GFM1: variants seen among roughly 807,000 people sequenced by gnomAD.
GFM1 encodes the protein G elongation factor mitochondrial 1.
A neutral mutation model predicts 96.2 loss-of-function variants in GFM1; 62 were observed. The observed-to-expected ratio is 0.64, with a 90% CI of 0.53 to 0.80. GFM1 has a LOEUF of 0.80. Among genes scored for constraint, GFM1 ranks in the 30% least tolerant of loss-of-function variants. The pLI is 0.00. For missense variants in GFM1, 852 were observed against 916.6 expected (o/e 0.93, Z 0.91); for synonymous variants, 282 against 312.9 (o/e 0.90, Z 1.04).
chr3:158,694,903 G>C lies in GFM1; in HGVS notation c.*3436G>C, dbSNP rs1398615499. Among the ~76,000 whole-genome samples the C allele has an allele frequency of 1.3e-5, 2 of 152,190 alleles. No individual in the cohort carries two copies. Among genetic ancestry groups the C allele is most frequent in the East Asian group, 3.8e-4 (2 of 5,202 alleles). ...TTCTAAAGGTATTAGGAAAATGAATGTCAAGCTGTATGTAATTGTAATTAG... is the reference window on the plus strand; with the variant it reads ...TTCTAAAGGTATTAGGAAAATGAATCTCAAGCTGTATGTAATTGTAATTAG... On this transcript the variant is annotated 3_prime_UTR_variant, in exon 18 of 18. Transcript: ENST00000486715.
chr3:158,684,552 C>T lies in GFM1; in HGVS notation c.1793C>T (p.Pro598Leu), dbSNP rs1198525925. The part of the protein sequence containing the change: ...KGFLDACEKG[P>L]LSGHKLSGLR... The stretch of plus-strand genomic sequence containing the variant: ...TTTTTAGATGCCTGCGAGAAGGGCC[C>T]TCTTTCTGGTCACAAGCTCTCTGGG... Residue 598 changes from proline (P) to leucine (L), a missense_variant, in exon 15 of 18, where the codon CCT becomes CTT. Coordinates refer to ENST00000486715, the MANE Select transcript of GFM1 (RefSeq NM_024996.7). The T allele has an allele frequency of 1.2e-6, 2 of 1,614,086 alleles. No individual in the cohort carries two copies. Among genetic ancestry groups the T allele is most frequent in the South Asian group, 2.2e-5 (2 of 91,076 alleles).
Position 158,691,359 on chromosome 3 carries a change from G to GTA in GFM1, c.2151_2152dup (p.Ser718IlefsTer47). 1 of 1,613,662 alleles carries GTA rather than the reference G, an allele frequency of 6.2e-7. No homozygotes were observed. The highest frequency in any genetic ancestry group is 1.3e-5 in the African/African-American group (1 of 74,962). The stretch of plus-strand genomic sequence containing the variant: ...AGGGAAAGGGAGAATACACAATGGA[G>GTA]TATAGCAGGTATCAGCCATGTTTAC... On this transcript the variant is annotated frameshift_variant, in exon 18 of 18. Coordinates refer to ENST00000486715, the MANE Select transcript of GFM1 (RefSeq NM_024996.7). LOFTEE classifies it high-confidence loss of function.
intron 16 of GFM1, chr3:158,690,534 T>G: frequency 1.8e-6 from 1 of 565,194 alleles, no homozygotes; most frequent in Admixed American, 3.1e-5. Flanking sequence ...AATGTGTCAT[T>G]TTCTTAGATG....
Position 158,644,618 on chromosome 3 carries a change from C to G in GFM1, c.-17C>G, listed in dbSNP as rs377591693. 1 of 1,560,836 alleles carries G rather than the reference C, an allele frequency of 6.4e-7. No homozygotes were observed. Among genetic ancestry groups the G allele is most frequent in the Admixed American group, 1.9e-5 (1 of 51,598 alleles). On this transcript the variant is annotated 5_prime_UTR_variant, in exon 1 of 18. Transcript: ENST00000486715. ...CACCCGGCGCCACGGGACTTTGACG[C>G]GTGCTCTGCGCTTGCCATGAGACTC... is the stretch of plus-strand genomic sequence containing the variant.
At chr3:158,690,920 T>C (rs1726261836) in intron 16 of GFM1, among the ~76,000 whole-genome samples, 1 of 152,216 alleles carries the variant, frequency 6.6e-6, no homozygotes, top group African/African-American at 2.4e-5. Context: ...AGTGGAAAGA[T>C]TTGGTTTCTG....
chr3:158,677,523 T>G (rs1251630211), intron 13 of GFM1, among the ~76,000 whole-genome samples: 1 of 152,148 alleles, frequency 6.6e-6, no homozygotes, highest in Non-Finnish European at 1.5e-5. Flanking sequence ...TTTTTTGAAA[T>G]GGAGTTTCAC....
rs1327343056 is a variant in GFM1 at position 158,658,938 on chromosome 3, A to G, written c.1100A>G (p.Gln367Arg). The G allele has an allele frequency of 1.2e-6, 2 of 1,614,060 alleles. No individual in the cohort carries two copies. The highest frequency in any genetic ancestry group is 2.7e-5 in the African/African-American group (2 of 74,924). The change falls in exon 9 of 18, where the codon CAA (glutamine) becomes CGA (arginine). Residue 367 changes from glutamine to arginine, a missense_variant. Coordinates refer to ENST00000486715, the MANE Select transcript of GFM1 (RefSeq NM_024996.7). ...GACTTCTAGGTAGGTCGATTTGGAC[A>G]ATTAACTTATGTTCGCAGTTATCAG... ...AFKLEVGRFG[Q>R]LTYVRSYQGE...
At chr3:158,659,765 G>T (rs4680452) in intron 9 of GFM1, among the ~76,000 whole-genome samples, 87,940 of 152,028 alleles carry the variant, frequency 0.58, 26,261 homozygotes, top group African/African-American at 0.73. Flanking sequence ...TTTATCAGTT[G>T]AAGCAAAATC....
intron 13 of GFM1, chr3:158,670,850 C>T (rs1724217908): frequency 1.6e-6 from 2 of 1,285,146 alleles, no homozygotes; most frequent in African/African-American, 1.6e-5. Context: ...GGGAAGATGG[C>T]CTGAGCCCGG....
intron 8 of GFM1, among the ~76,000 whole-genome samples, chr3:158,657,940 G>C (rs1426479577): frequency 6.6e-6 from 1 of 151,520 alleles, no homozygotes; most frequent in African/African-American, 2.4e-5. Flanking sequence ...TATCTGTCAG[G>C]GTTAGTTTTA....
At position 158,695,299 on chromosome 3, in the gene GFM1, G is replaced by A. The variant is rs536082736; in HGVS notation, c.*3832G>A. The A allele has an allele frequency of 3.5e-4, 53 of 152,148 alleles. No individual in the cohort carries two copies. Among genetic ancestry groups the A allele is most frequent in the Non-Finnish European group, 6.0e-4 (41 of 68,120 alleles). 9.4% of individuals were successfully genotyped at this position (152,148 alleles called of 1,614,324 possible). On this transcript the variant is annotated 3_prime_UTR_variant, in exon 18 of 18. Coordinates refer to ENST00000486715, the MANE Select transcript of GFM1 (RefSeq NM_024996.7). Reference sequence around the variant, plus strand: ...TGAGGCAGGAGGGTCGCTTGAACCCGGAAGGCGGAGGCTATAGTGAGCTGA... The same window carrying A: ...TGAGGCAGGAGGGTCGCTTGAACCCAGAAGGCGGAGGCTATAGTGAGCTGA...
Position 158,660,855 on chromosome 3 carries a change from G to C in GFM1, c.1222-19G>C. ...TTGTATTACTTGCAAATATAATTTT[G>C]TGTTATTTGTTTTTTTAGGATGTTG... On this transcript the variant is annotated intron_variant, in intron 9 of 17. Coordinates refer to ENST00000486715, the MANE Select transcript of GFM1 (RefSeq NM_024996.7). The C allele has an allele frequency of 1.9e-6, 3 of 1,591,832 alleles. No individual in the cohort carries two copies. Among genetic ancestry groups the C allele is most frequent in the Non-Finnish European group, 2.6e-6 (3 of 1,160,058 alleles).
At position 158,691,481 on chromosome 3, in the gene GFM1, G is replaced by A. The variant is rs1332493746; in HGVS notation, c.*14G>A. 6.2e-6 allele frequency: 10 copies of A among 1,612,720 alleles called. No homozygotes were observed. Among genetic ancestry groups the A allele is most frequent in the Non-Finnish European group, 7.6e-6 (9 of 1,179,442 alleles). ...GCCAAGAACTAACTTTGCTTACTGT[G>A]AGTTGACTGACTCTAATTGAATCTG... On this transcript the variant is annotated 3_prime_UTR_variant, in exon 18 of 18. Transcript: ENST00000486715.
Position 158,666,741 on chromosome 3 carries a change from TCTC to T in GFM1, c.1601+358_1601+360del, listed in dbSNP as rs1430033349. 5.6e-6 allele frequency: 9 copies of T among 1,612,442 alleles called. No individual in the cohort carries two copies. The Admixed American group carries it at 6.7e-5, about 12-fold the overall frequency. On this transcript the variant is annotated intron_variant, in intron 13 of 17. Transcript: ENST00000486715. ...AGAACTTGCATTTGCCAGGGAATAATCTCCTGCAAGTGAAGAAAATTAATGCCA... is the reference window on the plus strand; with the variant it reads ...AGAACTTGCATTTGCCAGGGAATAATCTGCAAGTGAAGAAAATTAATGCCA...
Position 158,649,045 on chromosome 3 carries a change from A to G in GFM1, c.577A>G (p.Lys193Glu). 1 of 1,433,726 alleles carries G rather than the reference A, an allele frequency of 7.0e-7. No homozygotes were observed. The highest frequency in any genetic ancestry group is 9.8e-7 in the Non-Finnish European group (1 of 1,015,920). The allele number at this position is 1,433,726 out of a possible 1,614,324, so 88.8% of individuals were successfully genotyped here. A position where few individuals can be genotyped will look rare whatever the true frequency, so the allele number is the denominator to read the frequency against. ...AAGTGTATTTTTATTTTTCAGGTCTAAACTAAATCATAATGCAGCGTTTAT... is the reference window on the plus strand; with the variant it reads ...AAGTGTATTTTTATTTTTCAGGTCTGAACTAAATCATAATGCAGCGTTTAT... ...PARALQQMRS[K>E]LNHNAAFMQI... Residue 193 changes from lysine (K) to glutamate (E), a missense_variant, in exon 5 of 18, where the codon AAA becomes GAA. Coordinates refer to ENST00000486715, the MANE Select transcript of GFM1 (RefSeq NM_024996.7).
chr3:158,651,998 C>T (rs1218504574), intron 5 of GFM1, 98 bp from the exon 6 acceptor site: 3 of 1,035,928 alleles, frequency 2.9e-6, no homozygotes, highest in Non-Finnish European at 1.5e-6. Context: ...CTCTTTGTTA[C>T]CTAAAAAAAT....
chr3:158,665,552 A>C (rs1297546014), intron 12 of GFM1, 78 bp downstream of exon 12: 2 of 1,298,446 alleles, frequency 1.5e-6, no homozygotes, highest in Admixed American at 3.5e-5. Flanking sequence ...TTCTCAATCT[A>C]ATGTCTGTAA....
intron 13 of GFM1, 122 bp downstream of exon 13, chr3:158,666,508 CTA>C: frequency 9.0e-7 from 1 of 1,113,234 alleles, no homozygotes; most frequent in Non-Finnish European, 1.4e-6. Context: ...ATTATGGACT[CTA>C]TAAAGTTCTA....
chr3:158,685,498 T>C (rs1725763153), intron 15 of GFM1, among the ~76,000 whole-genome samples: 1 of 152,188 alleles, frequency 6.6e-6, no homozygotes, highest in African/African-American at 2.4e-5. Flanking sequence ...GAAACTTTAA[T>C]CATAATATTT....
Sources: allele counts gnomAD v4.1 joint callset (sites outside exome capture counted in the v4.1 genomes callset), GRCh38; gene constraint gnomAD v4.1.1; transcripts MANE v1.5; gene names NCBI Gene and HGNC (gene_info 2026-07-23, HGNC 2026-07-21).